CCSER1: variants seen among roughly 807,000 people sequenced by gnomAD.
CCSER1 encodes the protein serine-rich coiled-coil domain-containing protein 1.
A neutral mutation model predicts 82.0 loss-of-function variants in CCSER1; 41 were observed. The ratio of observed to expected loss-of-function variants is 0.50; its 90% CI spans 0.39 to 0.65. The LOEUF (loss-of-function observed/expected upper bound fraction) is 0.65. Among genes scored for constraint, CCSER1 ranks in the 30% least tolerant of loss-of-function variants. CCSER1 has a pLI of 0.00. For missense variants in CCSER1, 1,119 were observed against 1,064.2 expected (o/e 1.05, Z -0.72); for synonymous variants, 414 against 383.9 (o/e 1.08, Z -0.92).
intron 1 of CCSER1, among the ~76,000 whole-genome samples, chr4:90,260,950 A>G (rs1724223454): frequency 6.6e-6 from 1 of 152,070 alleles, no homozygotes; most frequent in African/African-American, 2.4e-5. Context: ...TCCTGACCTC[A>G]AGTGATCTGC....
At chr4:90,665,460 T>G (rs1407074574) in intron 6 of CCSER1, among the ~76,000 whole-genome samples, 1 of 152,066 alleles carries the variant, frequency 6.6e-6, no homozygotes, top group Non-Finnish European at 1.5e-5. Context: ...TAGCTGGGAC[T>G]ACAGGCACCC....
chr4:90,146,813 A>G (rs1725897299), intron 1 of CCSER1, among the ~76,000 whole-genome samples: 1 of 152,126 alleles, frequency 6.6e-6, no homozygotes, highest in Admixed American at 6.5e-5. Flanking sequence ...CCGGGCTGTT[A>G]TGTGTTTGAA....
chr4:90,974,428 CA>C (rs1735415546), intron 9 of CCSER1, among the ~76,000 whole-genome samples: 1 of 148,156 alleles, frequency 6.7e-6, no homozygotes, highest in Admixed American at 6.8e-5. Flanking sequence ...AATTACAACT[CA>C]ATAAAGCTGG....
At chr4:90,495,489 A>T (rs1388134385) in intron 5 of CCSER1, among the ~76,000 whole-genome samples, 3 of 152,132 alleles carry the variant, frequency 2.0e-5, no homozygotes, top group Non-Finnish European at 2.9e-5. Context: ...GCTTTCCTTC[A>T]TTCTTATAGA....
chr4:91,089,104 C>A (rs1433234770), intron 10 of CCSER1, among the ~76,000 whole-genome samples: 1 of 152,094 alleles, frequency 6.6e-6, no homozygotes, highest in African/African-American at 2.4e-5. Context: ...AAAATCCGAG[C>A]TTGTTGAGTG....
At chr4:91,192,222 T>TTAATTGTGGTTGTTTTC (rs1735059810) in intron 10 of CCSER1, among the ~76,000 whole-genome samples, 1 of 152,142 alleles carries the variant, frequency 6.6e-6, no homozygotes, top group South Asian at 2.1e-4. Context: ...GACTTGCCTT[T>TTAATTGTGGTTGTTTTC]TAATTGTGGT....
intron 3 of CCSER1, among the ~76,000 whole-genome samples, chr4:90,365,820 G>A (rs1367678269): frequency 1.3e-5 from 2 of 151,820 alleles, no homozygotes; most frequent in Non-Finnish European, 3.0e-5. Context: ...TAATCGATAA[G>A]TGAGCAAACA....
chr4:90,923,473 T>G, intron 9 of CCSER1, 26 bp downstream of exon 9: 1 of 1,484,372 alleles, frequency 6.7e-7, no homozygotes, highest in Non-Finnish European at 9.2e-7. Flanking sequence ...AAACCATTTT[T>G]AACTTCATTA....
At chr4:90,764,511 ATGG>A (rs1310351653) in intron 7 of CCSER1, among the ~76,000 whole-genome samples, 2 of 152,252 alleles carry the variant, frequency 1.3e-5, no homozygotes, top group South Asian at 2.1e-4. Flanking sequence ...TCACCCAATA[ATGG>A]TGGTTTTTGG....
intron 6 of CCSER1, among the ~76,000 whole-genome samples, chr4:90,692,556 T>G (rs1404224870): frequency 3.9e-5 from 6 of 152,086 alleles, no homozygotes; most frequent in African/African-American, 1.4e-4. Flanking sequence ...AGGCAATAAT[T>G]CAAGCTACAG....
intron 10 of CCSER1, among the ~76,000 whole-genome samples, chr4:91,275,154 T>C (rs1359195625): frequency 2.6e-5 from 4 of 152,046 alleles, no homozygotes; most frequent in African/African-American, 7.2e-5. Context: ...AAGTGCCCAG[T>C]AGGGGATTGC....
At chr4:91,395,663 G>GT (rs573601196) in intron 10 of CCSER1, among the ~76,000 whole-genome samples, 13 of 151,828 alleles carry the variant, frequency 8.6e-5, no homozygotes, top group South Asian at 2.1e-4. Flanking sequence ...AGAATAGGGT[G>GT]TTTTTTTTAT....
At chr4:90,413,203 C>T (rs962087952) in intron 4 of CCSER1, among the ~76,000 whole-genome samples, 1 of 152,092 alleles carries the variant, frequency 6.6e-6, no homozygotes, top group Non-Finnish European at 1.5e-5. Context: ...ACAATAGCTG[C>T]AAAAACATAA....
Position 90,308,965 on chromosome 4 carries a change from G to T in CCSER1, c.681G>T (p.Ser227=). Residue 227 remains serine, a synonymous_variant, in exon 2 of 11, where the codon TCG becomes TCT. Coordinates refer to ENST00000509176, the MANE Select transcript of CCSER1 (RefSeq NM_001145065.2). ...GAGAACCTGTATTAGTAAGAGCTTC[G>T]CCATCCTGTTCTGTGGATGTAACAG... ...QEREPVLVRA[S]PSCSVDVTER... is the part of the protein sequence containing the mutation. 3 of 1,613,618 alleles carry T rather than the reference G, an allele frequency of 1.9e-6. No homozygotes were observed. Among genetic ancestry groups the T allele is most frequent in the Non-Finnish European group, 2.5e-6 (3 of 1,179,794 alleles).
At chr4:91,436,348 A>G (rs1922217) in intron 10 of CCSER1, among the ~76,000 whole-genome samples, 122,754 of 152,118 alleles carry the variant, frequency 0.81, 49,766 homozygotes, top group East Asian at 0.92. Context: ...AAATGTACTG[A>G]TATTTATGAT....
chr4:90,171,537 A>G (rs192886605), intron 1 of CCSER1, among the ~76,000 whole-genome samples: 1 of 151,922 alleles, frequency 6.6e-6, no homozygotes, highest in Non-Finnish European at 1.5e-5. Context: ...CTTCCAAATA[A>G]TAAAGATGTT....
chr4:90,166,417 A>T (rs1356047730), intron 1 of CCSER1, among the ~76,000 whole-genome samples: 2 of 152,014 alleles, frequency 1.3e-5, no homozygotes, highest in African/African-American at 4.8e-5. Context: ...AAAAGTAGGT[A>T]CATGGTCTTA....
chr4:91,177,068 T>A (rs577409786), intron 10 of CCSER1, among the ~76,000 whole-genome samples: 1 of 152,186 alleles, frequency 6.6e-6, no homozygotes, highest in Admixed American at 6.5e-5. Context: ...CTGCATCTAT[T>A]GAGATAATCA....
rs534770164 is a variant in CCSER1, at chr4:90,928,098, C to G, written c.2172+4651C>G. 5.9e-5 allele frequency among the ~76,000 whole-genome samples: 9 copies of G among 152,054 alleles called. No homozygotes were observed. The South Asian group carries it at 6.2e-4, about 11-fold the overall frequency. On this transcript the variant is annotated intron_variant, in intron 9 of 10. Transcript: ENST00000509176. ...CATTTATTAGAAAAAAGTGACTCCC[C>G]CGCACATGCTTCATGTATTTATATT... is the stretch of plus-strand genomic sequence containing the variant.
Sources: gnomAD v4.1 joint callset for allele counts (sites outside exome capture counted in the v4.1 genomes callset) on GRCh38, gnomAD v4.1.1 for gene constraint, MANE v1.5 for transcripts, NCBI Gene and HGNC (gene_info 2026-07-23, HGNC 2026-07-21) for gene names.